Variants in VPS13B observed in about 807,000 individuals in gnomAD.
VPS13B encodes intermembrane lipid transfer protein VPS13B.
VPS13B carries 285 observed loss-of-function variants against 426.4 expected under a neutral mutation model. The ratio of observed to expected loss-of-function variants is 0.67; its 90% CI spans 0.61 to 0.74. VPS13B has a LOEUF of 0.74. VPS13B is among the 30% of genes least tolerant of loss of function. The pLI, the probability that VPS13B is intolerant of heterozygous loss-of-function variation, is 0.00. For synonymous variants in VPS13B, 1,676 were observed against 1,676.4 expected (o/e 1.00, Z 0.01); for missense variants, 4,537 against 4,782.6 (o/e 0.95, Z 1.51).
chr8:99,651,552 A>G (rs1377134413), intron 34 of VPS13B, among the ~76,000 whole-genome samples: 1 of 152,180 alleles, frequency 6.6e-6, no homozygotes, highest in Non-Finnish European at 1.5e-5. Context: ...TCTAACAGAA[A>G]TGAGATCTTC....
At chr8:99,836,299 G>A (rs1469061826) in intron 54 of VPS13B, among the ~76,000 whole-genome samples, 1 of 152,134 alleles carries the variant, frequency 6.6e-6, no homozygotes, top group Non-Finnish European at 1.5e-5. Flanking sequence ...TTTACCATTT[G>A]TTAGTGTATA....
chr8:99,655,354 G>A (rs1829984606), intron 34 of VPS13B, among the ~76,000 whole-genome samples: 1 of 152,140 alleles, frequency 6.6e-6, no homozygotes, highest in South Asian at 2.1e-4. Context: ...TTATTTCAAA[G>A]TAAAATATCT....
chr8:99,065,061 G>T (rs570236958), intron 3 of VPS13B, among the ~76,000 whole-genome samples: 1 of 152,298 alleles, frequency 6.6e-6, no homozygotes, highest in East Asian at 1.9e-4. Flanking sequence ...CAAATGCTGA[G>T]AGATTTTGTC....
intron 19 of VPS13B, among the ~76,000 whole-genome samples, chr8:99,351,450 GTGTGTGTGTGTGTATGTA>G (rs1430774084): frequency 2.0e-5 from 3 of 151,822 alleles, no homozygotes; most frequent in Admixed American, 1.3e-4. Context: ...GTGTGTGTGT[GTGTGTGTGTGTGTATGTA>G]TGTGTGTGTG....
intron 24 of VPS13B, among the ~76,000 whole-genome samples, chr8:99,478,041 G>A (rs1819787201): frequency 6.6e-6 from 1 of 151,240 alleles, no homozygotes; most frequent in Non-Finnish European, 1.5e-5. Flanking sequence ...TTGAGCTCAG[G>A]AGTTTGAGAC....
chr8:99,149,427 C>A (rs1381885746), intron 14 of VPS13B, among the ~76,000 whole-genome samples: 1 of 152,172 alleles, frequency 6.6e-6, no homozygotes, highest in Non-Finnish European at 1.5e-5. Context: ...ATGCAACTTT[C>A]CTGTCTCAGG....
chr8:99,616,740 A>G (rs1241516684), intron 33 of VPS13B, among the ~76,000 whole-genome samples: 4 of 152,204 alleles, frequency 2.6e-5, no homozygotes, highest in Non-Finnish European at 4.4e-5. Context: ...CAGGGGAATC[A>G]CTTGAACCCG....
rs190290960 is a variant in VPS13B at position 99,024,172 on chromosome 8, C to G, written c.147+10237C>G. On this transcript the variant is annotated intron_variant, in intron 2 of 61. Coordinates refer to ENST00000357162, the MANE Select transcript of VPS13B (RefSeq NM_152564.5). ...GTGATTAGTGATGTTGAACATTTTT[C>G]ATATACCTGTTGGCCATTTATGTGT... 1.0e-3 allele frequency among the ~76,000 whole-genome samples: 155 copies of G among 152,162 alleles called. 1 individual carries two copies. Among genetic ancestry groups the G allele is most frequent in the Non-Finnish European group, 1.7e-3 (117 of 67,996 alleles).
intron 31 of VPS13B, among the ~76,000 whole-genome samples, chr8:99,561,832 G>A (rs188695913): frequency 1.9e-3 from 289 of 152,304 alleles, no homozygotes; most frequent in Non-Finnish European, 3.3e-3. Context: ...TCCACTGATG[G>A]ACATTTGAGC....
At chr8:99,134,848 T>C in intron 9 of VPS13B, 121 bp downstream of exon 9, 2 of 1,178,682 alleles carry the variant, frequency 1.7e-6, no homozygotes, top group Non-Finnish European at 2.4e-6. Flanking sequence ...TTTCTTATTT[T>C]AATAGAGTTT....
chr8:99,839,277 A>C (rs1188082718), intron 54 of VPS13B, among the ~76,000 whole-genome samples: 1 of 152,096 alleles, frequency 6.6e-6, no homozygotes, highest in East Asian at 1.9e-4. Flanking sequence ...TGTGGGGAGG[A>C]GAGAATGACA....
chr8:99,357,727 G>A (rs1197714798), intron 19 of VPS13B, among the ~76,000 whole-genome samples: 1 of 152,122 alleles, frequency 6.6e-6, no homozygotes, highest in Non-Finnish European at 1.5e-5. Flanking sequence ...CAGCCTCTCT[G>A]TGTCTCCGTT....
intron 42 of VPS13B, among the ~76,000 whole-genome samples, chr8:99,783,073 G>T (rs1223613289): frequency 6.6e-6 from 1 of 152,124 alleles, no homozygotes; most frequent in African/African-American, 2.4e-5. Context: ...GGGCATTCTG[G>T]ATGATTAGGA....
At chr8:99,577,283 C>T (rs1412008035) in intron 32 of VPS13B, among the ~76,000 whole-genome samples, 1 of 152,200 alleles carries the variant, frequency 6.6e-6, no homozygotes, top group Non-Finnish European at 1.5e-5. Flanking sequence ...CAAGGCCCAA[C>T]ACACAGCAGG....
chr8:99,390,781 A>G (rs1187311870), intron 20 of VPS13B, among the ~76,000 whole-genome samples: 1 of 152,204 alleles, frequency 6.6e-6, no homozygotes, highest in Non-Finnish European at 1.5e-5. Context: ...TTCAGCATTT[A>G]TCTTTGATCC....
chr8:99,575,901 T>C, intron 32 of VPS13B, 117 bp downstream of exon 32: 1 of 1,001,662 alleles, frequency 1.0e-6, no homozygotes, highest in Admixed American at 2.1e-5. Context: ...TTAATAATAA[T>C]GGCTACTATC....
At position 99,197,397 on chromosome 8, in the gene VPS13B, T is replaced by C. The variant is rs189621987; in HGVS notation, c.2515+4340T>C. On this transcript the variant is annotated intron_variant, in intron 17 of 61. Coordinates refer to ENST00000357162, the MANE Select transcript of VPS13B (RefSeq NM_152564.5). Reference sequence around the variant, plus strand: ...GAAGAGTTTGAGAAGTGATCAATATTAGTTGTTCTGGTAGAATTCATCCAG... The same window carrying C: ...GAAGAGTTTGAGAAGTGATCAATATCAGTTGTTCTGGTAGAATTCATCCAG... Among the ~76,000 whole-genome samples, 960 of 152,302 alleles carry C rather than the reference T, an allele frequency of 6.3e-3. 8 individuals are homozygous for C. The highest frequency in any genetic ancestry group is 0.022 in the African/African-American group (901 of 41,568).
At chr8:99,647,134 TAAA>T (rs1016620161) in intron 34 of VPS13B, among the ~76,000 whole-genome samples, 1 of 151,658 alleles carries the variant, frequency 6.6e-6, no homozygotes, top group Non-Finnish European at 1.5e-5. Context: ...ATTTGATTAT[TAAA>T]AAAAAATCCT....
chr8:99,635,868 T>TTAC (rs1829045719), intron 33 of VPS13B, among the ~76,000 whole-genome samples: 2 of 151,984 alleles, frequency 1.3e-5, no homozygotes, highest in Admixed American at 1.3e-4. Flanking sequence ...GTGGTTTTAT[T>TTAC]TACTACTCCT....
Sources: gnomAD v4.1 joint callset for allele counts (sites outside exome capture counted in the v4.1 genomes callset) on GRCh38, gnomAD v4.1.1 for gene constraint, MANE v1.5 for transcripts, NCBI Gene and HGNC (gene_info 2026-07-23, HGNC 2026-07-21) for gene names.